Variants in GAREM1 observed in about 807,000 individuals in gnomAD.
GAREM1 encodes the protein GRB2 associated regulator of MAPK1 subtype 1.
In GAREM1, 26 loss-of-function variants were observed where a neutral mutation model predicts 71.3. The ratio of observed to expected loss-of-function variants is 0.36; its 90% CI spans 0.27 to 0.51. The LOEUF is 0.51. Ranked by LOEUF, GAREM1 falls within the 20% of genes least tolerant of loss-of-function variation. The pLI is 0.95. For missense variants in GAREM1, 1,026 were observed against 1,103.1 expected, an observed-to-expected ratio of 0.93 and a Z score of 0.99; for synonymous variants, 440 against 433.2, an observed-to-expected ratio of 1.02 and a Z score of -0.20.
rs2041369352 is a variant in GAREM1 at position 32,266,041 on chromosome 18, A to C, written c.*1830T>G. On this transcript the variant is annotated 3_prime_UTR_variant, in exon 6 of 6. Transcript: ENST00000269209. ...ATTGAGTTATCTGTGACTTTTGAAG[A>C]GGTGCTCCAGTGTGAGAATTTTACA... The C allele has an allele frequency of 1.3e-5, 2 of 152,162 alleles. No homozygotes were observed. The highest frequency in any genetic ancestry group is 1.3e-4 in the Admixed American group (2 of 15,284). 9.4% of individuals were successfully genotyped at this position (152,162 alleles called of 1,614,324 possible).
rs576345671 is a variant in GAREM1, at chr18:32,290,084, C to T, written c.394-1881G>A. On this transcript the variant is annotated intron_variant, in intron 3 of 5. Transcript: ENST00000269209. ...TTTGCAGTGTCACTTTTACTGTATACTAATATTATATACTTTTATATCATA... is the reference window on the plus strand; with the variant it reads ...TTTGCAGTGTCACTTTTACTGTATATTAATATTATATACTTTTATATCATA... 5.1e-3 allele frequency among the ~76,000 whole-genome samples: 766 copies of T among 151,384 alleles called. 7 individuals are homozygous for T. The highest frequency in any genetic ancestry group is 0.018 in the African/African-American group (740 of 41,360).
At chr18:32,322,317 C>T (rs1039756917) in intron 2 of GAREM1, among the ~76,000 whole-genome samples, 1 of 152,152 alleles carries the variant, frequency 6.6e-6, no homozygotes, top group Non-Finnish European at 1.5e-5. Flanking sequence ...GATGTGTATA[C>T]AGGCCTCCAA....
At chr18:32,289,219 C>T (rs999850867) in intron 3 of GAREM1, among the ~76,000 whole-genome samples, 13 of 152,150 alleles carry the variant, frequency 8.5e-5, no homozygotes, top group African/African-American at 3.1e-4. Flanking sequence ...TCTGAGACTA[C>T]AGGTGTGAGC....
intron 2 of GAREM1, among the ~76,000 whole-genome samples, chr18:32,348,329 G>C (rs1325808766): frequency 1.3e-5 from 2 of 152,148 alleles, no homozygotes; most frequent in African/African-American, 4.8e-5. Context: ...ATCAAAACTT[G>C]GTGATTAAAA....
chr18:32,325,458 G>C (rs2047465656), intron 2 of GAREM1, among the ~76,000 whole-genome samples: 2 of 152,144 alleles, frequency 1.3e-5, no homozygotes, highest in African/African-American at 2.4e-5. Context: ...GAGGCTCTGC[G>C]TGTGGTGGGG....
At chr18:32,371,261 C>G (rs565918402) in intron 2 of GAREM1, among the ~76,000 whole-genome samples, 1 of 152,226 alleles carries the variant, frequency 6.6e-6, no homozygotes, top group African/African-American at 2.4e-5. Context: ...CTTGGCCTTT[C>G]TCTTGTTGGT....
At chr18:32,349,142 C>T (rs1383722400) in intron 2 of GAREM1, among the ~76,000 whole-genome samples, 3 of 152,128 alleles carry the variant, frequency 2.0e-5, no homozygotes, top group African/African-American at 7.2e-5. Context: ...AGATCAAATG[C>T]AGCAGATATA....
At position 32,430,457 on chromosome 18, in the gene GAREM1, T is replaced by C. The variant is rs551600493; in HGVS notation, c.122-37422A>G. Among the ~76,000 whole-genome samples, 18 of 152,270 alleles carry C rather than the reference T, an allele frequency of 1.2e-4. No homozygotes were observed. The South Asian group carries it at 3.5e-3, about 30-fold the overall frequency. On this transcript the variant is annotated intron_variant, in intron 1 of 5. Transcript: ENST00000269209. Reference sequence around the variant, plus strand: ...TCACAAACTCTCTCTATATATATACTAGGATTGAACAAATAAACAAATATA... The same window carrying C: ...TCACAAACTCTCTCTATATATATACCAGGATTGAACAAATAAACAAATATA...
Position 32,266,380 on chromosome 18 carries a change from T to G in GAREM1, c.*1491A>C, listed in dbSNP as rs2041373774. On this transcript the variant is annotated 3_prime_UTR_variant, in exon 6 of 6. Transcript: ENST00000269209. Reference sequence around the variant, plus strand: ...CCGCCTCACTGGCTGACCTTCCTATTCAAGAGGGCACTGTGTGCACCTCGG... The same window carrying G: ...CCGCCTCACTGGCTGACCTTCCTATGCAAGAGGGCACTGTGTGCACCTCGG... The G allele has an allele frequency of 6.6e-6, 1 of 151,816 alleles. No individual in the cohort carries two copies. The highest frequency in any genetic ancestry group is 2.4e-5 in the African/African-American group (1 of 41,356). The allele number at this position is 151,816 out of a possible 1,614,324, so 9.4% of individuals were successfully genotyped here. A position where few individuals can be genotyped will look rare whatever the true frequency, so the allele number is the denominator to read the frequency against.
intron 2 of GAREM1, among the ~76,000 whole-genome samples, chr18:32,364,853 G>A (rs868250787): frequency 3.3e-5 from 5 of 151,144 alleles, no homozygotes; most frequent in Admixed American, 6.6e-5. Context: ...TGTACCATGT[G>A]CGAGGCACAT....
At chr18:32,379,470 G>A (rs1478220704) in intron 2 of GAREM1, among the ~76,000 whole-genome samples, 3 of 111,138 alleles carry the variant, frequency 2.7e-5, no homozygotes, top group African/African-American at 1.1e-4. Context: ...CGGGGGGGGT[G>A]GGGGGCGGGG....
At chr18:32,468,449 G>A (rs1039257544) in intron 1 of GAREM1, among the ~76,000 whole-genome samples, 4 of 152,082 alleles carry the variant, frequency 2.6e-5, no homozygotes, top group African/African-American at 9.7e-5. Flanking sequence ...ATTCTCAAGC[G>A]GCAATAAGGA....
At chr18:32,421,215 T>C (rs777732739) in intron 1 of GAREM1, among the ~76,000 whole-genome samples, 22 of 152,176 alleles carry the variant, frequency 1.4e-4, no homozygotes, top group Non-Finnish European at 2.5e-4. Context: ...CTTTGTAAGG[T>C]TGTAGGCTGG....
chr18:32,274,579 C>T (rs570893645), intron 4 of GAREM1, among the ~76,000 whole-genome samples: 2 of 152,278 alleles, frequency 1.3e-5, no homozygotes. Flanking sequence ...AGGCTCTGTG[C>T]GACCAGGCTC....
intron 1 of GAREM1, among the ~76,000 whole-genome samples, chr18:32,456,980 T>C (rs2048896209): frequency 6.6e-6 from 1 of 152,090 alleles, no homozygotes; most frequent in African/African-American, 2.4e-5. Flanking sequence ...TGCATGTCTC[T>C]GTATGTATAT....
chr18:32,372,284 T>C (rs11877792), intron 2 of GAREM1, among the ~76,000 whole-genome samples: 3,050 of 152,322 alleles, frequency 0.02, 116 homozygotes, highest in African/African-American at 0.067. Flanking sequence ...CTTTAAGTTA[T>C]CAGAATTGTA....
chr18:32,392,951 A>G lies in GAREM1; in HGVS notation c.206T>C (p.Leu69Ser). 6.2e-7 allele frequency: 1 copy of G among 1,613,908 alleles called. No homozygotes were observed. Among genetic ancestry groups the G allele is most frequent in the Non-Finnish European group, 8.5e-7 (1 of 1,179,886 alleles). Reference sequence around the variant, plus strand: ...CCCAATGACATAGTGACCCTCCTCCAAGCTGTGGGCAGTGATGGTGGTCCA... The same window carrying G: ...CCCAATGACATAGTGACCCTCCTCCGAGCTGTGGGCAGTGATGGTGGTCCA... ...RQWTTITAHSLEEGHYVIGPK... is the reference protein window; with the variant it reads ...RQWTTITAHSSEEGHYVIGPK... The change falls in exon 2 of 6, where the codon TTG (leucine) becomes TCG (serine). Residue 69 changes from leucine to serine, a missense_variant. Physicochemically the swap from Leu to Ser is moderately radical, Grantham distance 145 (BLOSUM62 -2). Coordinates refer to ENST00000269209, the MANE Select transcript of GAREM1 (RefSeq NM_001242409.2).
At chr18:32,288,852 G>A (rs1055855745) in intron 3 of GAREM1, among the ~76,000 whole-genome samples, 6 of 146,844 alleles carry the variant, frequency 4.1e-5, no homozygotes, top group Admixed American at 6.7e-5. Context: ...CATTTCCCCC[G>A]GGCATATCCT....
chr18:32,387,703 A>G (rs1347640674), intron 2 of GAREM1, among the ~76,000 whole-genome samples: 1 of 152,210 alleles, frequency 6.6e-6, no homozygotes, highest in African/African-American at 2.4e-5. Flanking sequence ...TTCCCAAAGC[A>G]CATCTAGATA....
Sources: allele counts gnomAD v4.1 joint callset (sites outside exome capture counted in the v4.1 genomes callset), GRCh38; gene constraint gnomAD v4.1.1; transcripts MANE v1.5; gene names NCBI Gene and HGNC (gene_info 2026-07-23, HGNC 2026-07-21).